The following PCCA variants were observed in gnomAD, a reference collection of about 807,000 sequenced individuals.
PCCA encodes propionyl-CoA carboxylase subunit alpha.
In PCCA, 74 loss-of-function variants were observed where a neutral mutation model predicts 101.3. The observed-to-expected ratio is 0.73, with a 90% CI of 0.61 to 0.89. PCCA has a LOEUF of 0.89. Among genes scored for constraint, PCCA ranks in the 40% least tolerant of loss-of-function variants. The pLI is 0.00. For synonymous variants in PCCA, 294 were observed against 313.6 expected, an observed-to-expected ratio of 0.94 and a Z score of 0.66; for missense variants, 891 against 907.0, an observed-to-expected ratio of 0.98 and a Z score of 0.23.
chr13:100,485,546 C>G (rs976456128), intron 21 of PCCA, among the ~76,000 whole-genome samples: 2 of 152,224 alleles, frequency 1.3e-5, no homozygotes, highest in Non-Finnish European at 2.9e-5. Context: ...TTTGAACTGG[C>G]AACCCCAACT....
intron 19 of PCCA, among the ~76,000 whole-genome samples, chr13:100,398,957 C>T (rs1050732865): frequency 6.6e-6 from 1 of 152,122 alleles, no homozygotes; most frequent in Admixed American, 6.5e-5. Context: ...CTGGATATTT[C>T]AGAAGTATTG....
chr13:100,178,151 G>A (rs2056417212), intron 6 of PCCA, among the ~76,000 whole-genome samples: 1 of 151,998 alleles, frequency 6.6e-6, no homozygotes, highest in Non-Finnish European at 1.5e-5. Context: ...GAAAATCAGT[G>A]GATTATTTAA....
chr13:100,228,461 T>C (rs185393057), intron 7 of PCCA, among the ~76,000 whole-genome samples: 2 of 152,356 alleles, frequency 1.3e-5, no homozygotes, highest in East Asian at 3.9e-4. Context: ...TTGTGTGTCA[T>C]GTAATCATAG....
chr13:100,478,549 G>C (rs1341780612), intron 21 of PCCA, among the ~76,000 whole-genome samples: 1 of 152,184 alleles, frequency 6.6e-6, no homozygotes, highest in Non-Finnish European at 1.5e-5. Flanking sequence ...CTCTGACTTA[G>C]TTCTCATAGG....
chr13:100,292,879 C>T lies in PCCA; in HGVS notation c.1066-8581C>T, dbSNP rs1352637279. ...ATAGAGAAAAGTATTTACTACATGG[C>T]TTAGGCCTTTGTGTTAAGATTAATA... On this transcript the variant is annotated intron_variant, in intron 12 of 23. Coordinates refer to ENST00000376285, the MANE Select transcript of PCCA (RefSeq NM_000282.4). Among the ~76,000 whole-genome samples, 5 of 150,946 alleles carry T rather than the reference C, an allele frequency of 3.3e-5. No individual in the cohort carries two copies. In the South Asian group the frequency reaches 1.0e-3, roughly 31 times the overall value.
rs1208473384 is a variant in PCCA at position 100,310,762 on chromosome 13, A to G, written c.1429+854A>G. On this transcript the variant is annotated intron_variant, in intron 16 of 23. Transcript: ENST00000376285. ...ACAGTTTTTAAGTGACTAAAATACA[A>G]AGTAGGCTTGCCATTATTCTCCTAA... Among the ~76,000 whole-genome samples, 5 of 152,202 alleles carry G rather than the reference A, an allele frequency of 3.3e-5. No individual in the cohort carries two copies. The East Asian group carries it at 9.6e-4, about 29-fold the overall frequency.
intron 22 of PCCA, among the ~76,000 whole-genome samples, chr13:100,519,021 A>G (rs187467832): frequency 3.9e-5 from 6 of 152,380 alleles, no homozygotes; most frequent in Non-Finnish European, 7.3e-5. Flanking sequence ...AGTCAAATAA[A>G]GTCATGATGA....
At chr13:100,209,625 T>A (rs752266479) in intron 7 of PCCA, among the ~76,000 whole-genome samples, 162 bp downstream of exon 7, 1 of 152,130 alleles carries the variant, frequency 6.6e-6, no homozygotes, top group Non-Finnish European at 1.5e-5. Flanking sequence ...ATCAGTGTTT[T>A]TACATTTATT....
chr13:100,411,407 GAC>G (rs2078043001), intron 19 of PCCA, among the ~76,000 whole-genome samples: 1 of 151,990 alleles, frequency 6.6e-6, no homozygotes, highest in Non-Finnish European at 1.5e-5. Context: ...TTTTAATAGA[GAC>G]AGGGTTTTGC....
At chr13:100,198,580 A>G (rs1394726244) in intron 6 of PCCA, 1 of 151,596 alleles carries the variant, frequency 6.6e-6, no homozygotes, top group Non-Finnish European at 1.5e-5. Flanking sequence ...GCTCACTGCA[A>G]CCTCTGCCTG....
Position 100,112,050 on chromosome 13 carries a change from G to C in PCCA, c.289G>C (p.Asp97His), listed in dbSNP as rs769123322. 1 of 1,609,712 alleles carries C rather than the reference G, an allele frequency of 6.2e-7. No homozygotes were observed. Among genetic ancestry groups the C allele is most frequent in the Non-Finnish European group, 8.5e-7 (1 of 1,177,576 alleles). ...GACAGTTGCCATCCACAGTGATGTT[G>C]ATGCTAGTTCTGTAAGTATATTTTT... is the stretch of plus-strand genomic sequence containing the variant. ...IKTVAIHSDV[D>H]ASSVHVKMAD... The change falls in exon 4 of 24, where the codon GAT becomes CAT. Residue 97 changes from aspartate (D) to histidine (H), a missense_variant. Physicochemically the swap from Asp to His is moderately conservative, Grantham distance 81. Coordinates refer to ENST00000376285, the MANE Select transcript of PCCA (RefSeq NM_000282.4).
At chr13:100,319,730 T>G (rs1317499319) in intron 16 of PCCA, among the ~76,000 whole-genome samples, 3 of 152,356 alleles carry the variant, frequency 2.0e-5, no homozygotes, top group Admixed American at 2.0e-4. Context: ...GCTGCTTTGG[T>G]TACTGTAGCC....
At chr13:100,503,203 C>A (rs918341120) in intron 21 of PCCA, among the ~76,000 whole-genome samples, 1 of 152,206 alleles carries the variant, frequency 6.6e-6, no homozygotes, top group Non-Finnish European at 1.5e-5. Context: ...ACCTGAAGTT[C>A]TTTCTGGCCG....
intron 19 of PCCA, among the ~76,000 whole-genome samples, chr13:100,417,542 G>A (rs1263772709): frequency 2.6e-5 from 4 of 152,156 alleles, no homozygotes; most frequent in African/African-American, 9.7e-5. Context: ...ATGTGGGGAG[G>A]CCAGAGTATC....
chr13:100,466,987 G>A (rs2082570744), intron 21 of PCCA, among the ~76,000 whole-genome samples: 1 of 152,184 alleles, frequency 6.6e-6, no homozygotes, highest in Admixed American at 6.5e-5. Context: ...GGGGACGATC[G>A]TTGCTTGCTG....
intron 7 of PCCA, among the ~76,000 whole-genome samples, chr13:100,210,822 C>T (rs888613394): frequency 6.6e-6 from 1 of 152,098 alleles, no homozygotes; most frequent in Non-Finnish European, 1.5e-5. Context: ...CATTAGAGGA[C>T]GATTAGAAAA....
chr13:100,328,551 A>C (rs990708564), intron 16 of PCCA, among the ~76,000 whole-genome samples: 1 of 151,338 alleles, frequency 6.6e-6, no homozygotes, highest in Non-Finnish European at 1.5e-5. Context: ...CATGGTTTCT[A>C]TGTACTAAGA....
chr13:100,429,429 A>G (rs1005284077), intron 20 of PCCA, among the ~76,000 whole-genome samples: 2 of 152,094 alleles, frequency 1.3e-5, no homozygotes, highest in Non-Finnish European at 2.9e-5. Context: ...TGATTACTGT[A>G]GTAATTGATT....
chr13:100,113,415 A>G (rs2048506263), intron 4 of PCCA, among the ~76,000 whole-genome samples: 1 of 152,152 alleles, frequency 6.6e-6, no homozygotes, highest in Non-Finnish European at 1.5e-5. Flanking sequence ...TCAAAGGCCT[A>G]GGACATTACC....
Sources: gnomAD v4.1 joint callset for allele counts (sites outside exome capture counted in the v4.1 genomes callset) on GRCh38, gnomAD v4.1.1 for gene constraint, MANE v1.5 for transcripts, NCBI Gene and HGNC (gene_info 2026-07-23, HGNC 2026-07-21) for gene names.